LRP2: variants seen among roughly 807,000 people sequenced by gnomAD.
LRP2 encodes low-density lipoprotein receptor-related protein 2.
In LRP2, 172 loss-of-function variants were observed where a neutral mutation model predicts 531.0. The observed-to-expected ratio is 0.32, with a 90% confidence interval of 0.29 to 0.37. LRP2 has a LOEUF of 0.37. LRP2 is among the 10% of genes least tolerant of loss of function. The pLI, the probability that LRP2 is intolerant of heterozygous loss-of-function variation, is 1.00. For missense variants in LRP2, 5,167 were observed against 5,868.3 expected, an observed-to-expected ratio of 0.88 and a Z score of 3.90; for synonymous variants, 1,992 against 2,027.6, an observed-to-expected ratio of 0.98 and a Z score of 0.47.
intron 70 of LRP2, among the ~76,000 whole-genome samples, chr2:169,143,803 T>C (rs1685814587): frequency 6.6e-6 from 1 of 152,204 alleles, no homozygotes; most frequent in African/African-American, 2.4e-5. Flanking sequence ...TTATGATTTA[T>C]CCAAGGGTTG....
intron 55 of LRP2, among the ~76,000 whole-genome samples, chr2:169,174,650 A>G (rs1361380805): frequency 6.6e-6 from 1 of 152,262 alleles, no homozygotes; most frequent in East Asian, 1.9e-4. Flanking sequence ...CTGGGATTAC[A>G]GGCACATGCC....
intron 54 of LRP2, 139 bp downstream of exon 54, chr2:169,176,272 T>C (rs1687189627): frequency 1.1e-6 from 1 of 890,456 alleles, no homozygotes; most frequent in South Asian, 1.4e-5. Flanking sequence ...AGGCTGAGAG[T>C]CTTGCTGTGT....
intron 55 of LRP2, among the ~76,000 whole-genome samples, chr2:169,174,554 C>A (rs1336338035): frequency 2.0e-5 from 3 of 152,112 alleles, no homozygotes. Flanking sequence ...TTCTTGAGAC[C>A]AAGTGAGTGC....
chr2:169,130,148 T>C (rs1685231797), intron 77 of LRP2, among the ~76,000 whole-genome samples: 1 of 152,246 alleles, frequency 6.6e-6, no homozygotes, highest in Admixed American at 6.5e-5. Flanking sequence ...GTCTCTTAGA[T>C]GTCATTGCTT....
chr2:169,134,203 CTG>C (rs200406936), intron 76 of LRP2, among the ~76,000 whole-genome samples: 49,255 of 151,574 alleles, frequency 0.32, 9,727 homozygotes, highest in Admixed American at 0.48. Context: ...GCGGCTGCCA[CTG>C]CTTTAATACT....
chr2:169,271,690 T>C (rs1683421548), intron 15 of LRP2: 1 of 981,832 alleles, frequency 1.0e-6, no homozygotes. Flanking sequence ...AATCTTTTGT[T>C]TAAAAATCAT....
At chr2:169,329,766 A>C (rs1685215985) in intron 1 of LRP2, among the ~76,000 whole-genome samples, 1 of 152,156 alleles carries the variant, frequency 6.6e-6, no homozygotes, top group Non-Finnish European at 1.5e-5. Flanking sequence ...GCTGCCCCAG[A>C]AGCATCCAAA....
At chr2:169,315,299 T>C (rs930831405) in intron 3 of LRP2, among the ~76,000 whole-genome samples, 6 of 152,040 alleles carry the variant, frequency 3.9e-5, no homozygotes, top group Admixed American at 3.9e-4. Context: ...AAGGAGTAAT[T>C]AGAAAACAAT....
At chr2:169,239,143 C>T (rs1004006110) in intron 26 of LRP2, among the ~76,000 whole-genome samples, 3 of 152,054 alleles carry the variant, frequency 2.0e-5, no homozygotes, top group Admixed American at 2.0e-4. Context: ...AATCAATATC[C>T]TAATACATAG....
intron 52 of LRP2, among the ~76,000 whole-genome samples, chr2:169,180,923 C>T (rs1687406721): frequency 6.6e-6 from 1 of 152,058 alleles, no homozygotes; most frequent in African/African-American, 2.4e-5. Context: ...AAAAATTATC[C>T]TATTACCAGA....
At chr2:169,241,999 A>G (rs1043544209) in intron 24 of LRP2, among the ~76,000 whole-genome samples, 2 of 152,246 alleles carry the variant, frequency 1.3e-5, no homozygotes, top group South Asian at 4.1e-4. Context: ...GCCAGCGGCA[A>G]TTGACAGTTT....
In LRP2 at chr2:169,359,455, T is replaced by G. The variant is rs554606770; in HGVS notation, c.79+2866A>C. Among the ~76,000 whole-genome samples the G allele has an allele frequency of 1.8e-4, 27 of 152,282 alleles. No individual in the cohort carries two copies. The South Asian group carries it at 5.6e-3, about 32-fold the overall frequency. ...ATAGAATACTCAGAGCTCTTTTTTT[T>G]CCCCTCCAATTTTTAGTGATGCGAA... On this transcript the variant is annotated intron_variant, in intron 1 of 78. Coordinates refer to ENST00000649046, the MANE Select transcript of LRP2 (RefSeq NM_004525.3).
At chr2:169,261,868 C>T (rs2105417535) in intron 16 of LRP2, among the ~76,000 whole-genome samples, 1 of 151,974 alleles carries the variant, frequency 6.6e-6, no homozygotes, top group East Asian at 2.0e-4. Flanking sequence ...AAACCGAATC[C>T]AGCAGCACAT....
At chr2:169,339,772 A>T (rs895416964) in intron 1 of LRP2, among the ~76,000 whole-genome samples, 2 of 152,190 alleles carry the variant, frequency 1.3e-5, no homozygotes, top group African/African-American at 4.8e-5. Context: ...TGACTTGATG[A>T]TATTTTGAAA....
Position 169,202,930 on chromosome 2 carries a change from G to T in LRP2, c.8035C>A (p.His2679Asn). The change falls in exon 43 of 79, where the codon CAT becomes AAT. Residue 2679 changes from histidine to asparagine, a missense_variant. Physicochemically the swap from His to Asn is moderately conservative, Grantham distance 68. Transcript: ENST00000649046. ...TTGGCCAAATACCAGTTGCCCTCAT[G>T]TGGACACTGGCACTCGGCACCATTT... ...GPNGAECQCP[H>N]EGNWYLANNR... 6.2e-7 allele frequency: 1 copy of T among 1,614,176 alleles called. No homozygotes were observed. The highest frequency in any genetic ancestry group is 8.5e-7 in the Non-Finnish European group (1 of 1,180,030).
intron 1 of LRP2, among the ~76,000 whole-genome samples, chr2:169,321,477 C>G (rs1047286928): frequency 2.0e-5 from 3 of 147,456 alleles, no homozygotes; most frequent in African/African-American, 7.5e-5. Flanking sequence ...AAAAAAAAAG[C>G]GTAAAAAAGA....
chr2:169,198,688 A>G (rs1485323327), intron 45 of LRP2, 98 bp downstream of exon 45: 17 of 1,441,710 alleles, frequency 1.2e-5, no homozygotes, highest in Non-Finnish European at 1.4e-5. Flanking sequence ...TGAAATGACA[A>G]TTGAAATCAG....
At chr2:169,202,288 C>T (rs1688228632) in intron 43 of LRP2, among the ~76,000 whole-genome samples, 1 of 152,156 alleles carries the variant, frequency 6.6e-6, no homozygotes, top group African/African-American at 2.4e-5. Flanking sequence ...CAGATGGAAG[C>T]TGAGGATTGG....
chr2:169,210,788 C>T (rs1267614767), intron 37 of LRP2, among the ~76,000 whole-genome samples: 1 of 152,044 alleles, frequency 6.6e-6, no homozygotes, highest in East Asian at 1.9e-4. Flanking sequence ...TTTCATAATG[C>T]CCTTTGAAAC....
Sources: gnomAD v4.1 joint callset for allele counts (sites outside exome capture counted in the v4.1 genomes callset) on GRCh38, gnomAD v4.1.1 for gene constraint, MANE v1.5 for transcripts, NCBI Gene and HGNC (gene_info 2026-07-23, HGNC 2026-07-21) for gene names.